Variants in PDE10A observed in about 807,000 individuals in gnomAD.
The protein encoded by PDE10A is cAMP and cAMP-inhibited cGMP 3',5'-cyclic phosphodiesterase 10A.
A neutral mutation model predicts 97.7 loss-of-function variants in PDE10A; 39 were observed. That is an observed-to-expected ratio of 0.40 (90% confidence interval 0.31 to 0.52). The LOEUF (loss-of-function observed/expected upper bound fraction) is 0.52. Ranked by LOEUF, PDE10A falls within the 20% of genes least tolerant of loss-of-function variation. The pLI is 0.56. For missense variants in PDE10A, 731 were observed against 1,047.8 expected, an observed-to-expected ratio of 0.70 and a Z score of 4.17; for synonymous variants, 371 against 376.8, an observed-to-expected ratio of 0.98 and a Z score of 0.18.
At position 165,671,360 on chromosome 6, in the gene PDE10A, G is replaced by C. The variant is rs981062735; in HGVS notation, c.-614-127792C>G. 1.3e-5 allele frequency among the ~76,000 whole-genome samples: 2 copies of C among 152,080 alleles called. No homozygotes were observed. The highest frequency in any genetic ancestry group is 6.6e-5 in the Admixed American group (1 of 15,266). On this transcript the variant is annotated intron_variant, in intron 1 of 19. Coordinates refer to the PDE10A transcript ENST00000366882. The surrounding 1 kb of genome is among the most constrained non-coding windows in gnomAD (Gnocchi z 4.6). Reference sequence around the variant, plus strand: ...GCACAACGACCCATGAGTGATCACAGAGTGAGCATAACCCCTGAAGAGCCC... The same window carrying C: ...GCACAACGACCCATGAGTGATCACACAGTGAGCATAACCCCTGAAGAGCCC...
intron 1 of PDE10A, among the ~76,000 whole-genome samples, chr6:165,950,970 T>C (rs1343239166): frequency 6.6e-6 from 1 of 152,262 alleles, no homozygotes; most frequent in Non-Finnish European, 1.5e-5. Flanking sequence ...TGGACATTAT[T>C]CTTTCCTACA....
intron 1 of PDE10A, among the ~76,000 whole-genome samples, chr6:165,573,908 TAGGGACCCCTGGCTTATGACAA>T (rs1785175943): frequency 6.6e-6 from 1 of 152,204 alleles, no homozygotes; most frequent in Non-Finnish European, 1.5e-5. Flanking sequence ...GCCGGCCCAG[TAGGGACCCCTGGCTTATGACAA>T]TGCACCATGT....
chr6:165,746,594 G>C (rs1036916961), intron 1 of PDE10A, among the ~76,000 whole-genome samples: 1 of 152,208 alleles, frequency 6.6e-6, no homozygotes, highest in Non-Finnish European at 1.5e-5. Flanking sequence ...GAACACAGGC[G>C]TTCCATTCAT....
chr6:165,797,153 T>C (rs1171482936), intron 1 of PDE10A, among the ~76,000 whole-genome samples: 1 of 152,184 alleles, frequency 6.6e-6, no homozygotes, highest in African/African-American at 2.4e-5. Context: ...TCAGATGACG[T>C]GTTGAGCAAG....
chr6:165,606,239 T>C (rs1787203169), intron 1 of PDE10A, among the ~76,000 whole-genome samples: 1 of 149,016 alleles, frequency 6.7e-6, no homozygotes, highest in South Asian at 2.1e-4. Context: ...ACAATTACAA[T>C]AACACTGAGG....
At chr6:165,604,182 C>A (rs1168232014) in intron 1 of PDE10A, among the ~76,000 whole-genome samples, 1 of 152,146 alleles carries the variant, frequency 6.6e-6, no homozygotes, top group African/African-American at 2.4e-5. Flanking sequence ...AAACTCTTAA[C>A]AGTAAATTTG....
chr6:165,552,461 T>G (rs1784064767), intron 1 of PDE10A, among the ~76,000 whole-genome samples: 1 of 152,230 alleles, frequency 6.6e-6, no homozygotes, highest in Admixed American at 6.5e-5. Context: ...TATGGGTTCA[T>G]GCTGAACACC....
At chr6:165,978,417 A>G (rs1562339135) in intron 1 of PDE10A, among the ~76,000 whole-genome samples, 3 of 152,240 alleles carry the variant, frequency 2.0e-5, no homozygotes, top group African/African-American at 7.2e-5. Flanking sequence ...GGAGAAGTCT[A>G]GCAGAAATTT....
chr6:165,811,253 A>C (rs999825258), intron 1 of PDE10A, among the ~76,000 whole-genome samples: 3 of 152,104 alleles, frequency 2.0e-5, no homozygotes, highest in African/African-American at 4.8e-5. Context: ...CAAACACACA[A>C]AAAAAGCACT....
intron 2 of PDE10A, among the ~76,000 whole-genome samples, chr6:165,484,020 G>T (rs949148637): frequency 3.3e-5 from 5 of 152,204 alleles, no homozygotes; most frequent in Non-Finnish European, 7.4e-5. Context: ...CCCCTTAGGA[G>T]CTGATTTAGA....
intron 1 of PDE10A, among the ~76,000 whole-genome samples, chr6:165,590,310 C>T (rs1197989655): frequency 1.3e-5 from 2 of 152,144 alleles, no homozygotes; most frequent in Admixed American, 6.5e-5. Flanking sequence ...ATGGAACTGA[C>T]GCAGAGGGAG....
chr6:165,980,502 G>T (rs1186372253), intron 1 of PDE10A, among the ~76,000 whole-genome samples: 1 of 152,230 alleles, frequency 6.6e-6, no homozygotes, highest in Admixed American at 6.5e-5. Context: ...TACAGGCAAT[G>T]AAGGTAGTTT....
At chr6:165,549,515 G>A (rs1336600658) in intron 1 of PDE10A, among the ~76,000 whole-genome samples, 1 of 152,044 alleles carries the variant, frequency 6.6e-6, no homozygotes, top group African/African-American at 2.4e-5. Flanking sequence ...TAGTAGAGAC[G>A]GGGTTTCACC....
intron 1 of PDE10A, among the ~76,000 whole-genome samples, chr6:165,588,227 G>T (rs1334257842): frequency 8.6e-5 from 13 of 151,480 alleles, no homozygotes; most frequent in Admixed American, 8.5e-4. Context: ...AAATTATCTT[G>T]GGGGTGGTAG....
chr6:165,441,455 A>G (rs1256974677), intron 5 of PDE10A, among the ~76,000 whole-genome samples: 1 of 152,236 alleles, frequency 6.6e-6, no homozygotes, highest in African/African-American at 2.4e-5. Flanking sequence ...TTTATGGTGT[A>G]ACATTTAACT....
At chr6:165,647,528 C>T (rs1789461821) in intron 1 of PDE10A, among the ~76,000 whole-genome samples, 1 of 152,014 alleles carries the variant, frequency 6.6e-6, no homozygotes, top group Non-Finnish European at 1.5e-5. Context: ...AATGACAATC[C>T]CCTTTTTTTT....
intron 1 of PDE10A, among the ~76,000 whole-genome samples, chr6:165,926,548 G>C (rs984812591): frequency 6.6e-6 from 1 of 152,206 alleles, no homozygotes; most frequent in African/African-American, 2.4e-5. Context: ...CTAACGGTTA[G>C]ATTGGACACA....
intron 1 of PDE10A, among the ~76,000 whole-genome samples, chr6:165,606,988 TC>T (rs1408829609): frequency 1.3e-5 from 2 of 152,228 alleles, no homozygotes; most frequent in Non-Finnish European, 2.9e-5. Flanking sequence ...TATACATTTA[TC>T]CTCATATACT....
intron 13 of PDE10A, among the ~76,000 whole-genome samples, chr6:165,397,161 C>A: frequency 6.6e-6 from 1 of 152,008 alleles, no homozygotes; most frequent in East Asian, 1.9e-4. Flanking sequence ...TATCTGTGTG[C>A]AAATGTTTTA....
Sources: allele counts gnomAD v4.1 joint callset (sites outside exome capture counted in the v4.1 genomes callset), GRCh38; gene constraint gnomAD v4.1.1; non-coding constraint Gnocchi (gnomAD v3.1); transcripts MANE v1.5; gene names NCBI Gene and HGNC (gene_info 2026-07-23, HGNC 2026-07-21).